Variants in CENPF observed in about 807,000 individuals in gnomAD.
CENPF encodes centromere protein F.
CENPF carries 214 observed loss-of-function variants against 307.3 expected under a neutral mutation model. That is an observed-to-expected ratio of 0.70 (90% confidence interval 0.62 to 0.78). CENPF has a LOEUF of 0.78. Ranked by LOEUF, CENPF falls within the 30% of genes least tolerant of loss-of-function variation. The probability of loss-of-function intolerance (pLI) is 0.00; values close to 1 mark genes in which losing one functional copy is unlikely to be tolerated. For missense variants in CENPF, 3,401 were observed against 3,483.9 expected (o/e 0.98, Z 0.60); for synonymous variants, 1,259 against 1,270.6 (o/e 0.99, Z 0.19).
intron 18 of CENPF, among the ~76,000 whole-genome samples, 176 bp from the exon 19 acceptor site, chr1:214,658,674 A>G (rs970545457): frequency 2.6e-5 from 4 of 152,062 alleles, no homozygotes; most frequent in Non-Finnish European, 5.9e-5. Context: ...AAGTTATTTG[A>G]TTCAATTTGG....
chr1:214,662,392 G>A (rs553573035), intron 19 of CENPF, among the ~76,000 whole-genome samples: 2 of 152,310 alleles, frequency 1.3e-5, no homozygotes, highest in East Asian at 3.9e-4. Flanking sequence ...GGAGAAGTGA[G>A]CTTTCCTGGG....
At chr1:214,622,609 A>G (rs1434711207) in intron 7 of CENPF, among the ~76,000 whole-genome samples, 1 of 152,228 alleles carries the variant, frequency 6.6e-6, no homozygotes, top group Admixed American at 6.5e-5. Flanking sequence ...TGGCACTTTA[A>G]AGGAGTTTTA....
chr1:214,642,423 A>G lies in CENPF; in HGVS notation c.4085A>G (p.Glu1362Gly), dbSNP rs958455451. The G allele has an allele frequency of 6.3e-7, 1 of 1,598,354 alleles. No homozygotes were observed. The highest frequency in any genetic ancestry group is 1.7e-5 in the Admixed American group (1 of 58,134). ...GGTCTTCTCCATGGTGAGTTAGTGG[A>G]AGACATACCAGGAGGTGAATTTGGT... ...DSGLLHGELV[E>G]DIPGGEFGEQ... Residue 1362 changes from glutamate to glycine, a missense_variant, in exon 12 of 20, where the codon GAA (glutamate) becomes GGA (glycine). By Grantham distance (98) the Glu-to-Gly change is moderately conservative. Transcript: ENST00000366955.
chr1:214,653,329 T>G (rs1249146919), intron 16 of CENPF, among the ~76,000 whole-genome samples: 1 of 152,128 alleles, frequency 6.6e-6, no homozygotes, highest in African/African-American at 2.4e-5. Context: ...TCCAAAATCT[T>G]GAATGAGCTG....
intron 7 of CENPF, among the ~76,000 whole-genome samples, chr1:214,623,494 AC>A (rs1436157794): frequency 6.6e-6 from 1 of 152,044 alleles, no homozygotes; most frequent in African/African-American, 2.4e-5. Flanking sequence ...TACACCCACC[AC>A]TGAATCTTCT....
intron 18 of CENPF, 68 bp downstream of exon 18, chr1:214,657,477 A>G: frequency 8.6e-7 from 1 of 1,168,326 alleles, no homozygotes; most frequent in Non-Finnish European, 1.2e-6. Flanking sequence ...TCACATATAA[A>G]AAGACAAAAG....
intron 1 of CENPF, chr1:214,605,506 A>G: frequency 1.8e-6 from 1 of 554,938 alleles, no homozygotes; most frequent in Non-Finnish European, 3.2e-6. Context: ...TCTTGCTTCC[A>G]AAAGGAAAGG....
intron 7 of CENPF, among the ~76,000 whole-genome samples, chr1:214,626,818 T>C (rs2102544527): frequency 6.6e-6 from 1 of 152,344 alleles, no homozygotes; most frequent in African/African-American, 2.4e-5. Flanking sequence ...TATCATGGCT[T>C]ATTTTCAAGT....
At position 214,646,922 on chromosome 1, in the gene CENPF, A is replaced by T. The variant is rs138083875; in HGVS notation, c.7352A>T (p.Asn2451Ile). The change falls in exon 13 of 20, where the codon AAT becomes ATT. Residue 2451 changes from asparagine (N) to isoleucine (I), a missense_variant. Asn to Ile is a moderately radical substitution (Grantham distance 149). Coordinates refer to ENST00000366955, the MANE Select transcript of CENPF (RefSeq NM_016343.4). The part of the protein sequence containing the change: ...EMLQTQLKEL[N>I]ERVAALHNDQ... ...CTTCAAACACAATTAAAAGAGCTCA[A>T]TGAGAGAGTGGCAGCCCTGCATAAT... 1 of 1,614,088 alleles carries T rather than the reference A, an allele frequency of 6.2e-7. No homozygotes were observed. The highest frequency in any genetic ancestry group is 8.5e-7 in the Non-Finnish European group (1 of 1,179,982).
At chr1:214,663,567 C>G (rs770990358) in intron 19 of CENPF, 24 bp from the exon 20 acceptor site, 28 of 1,611,562 alleles carry the variant, frequency 1.7e-5, no homozygotes, top group Non-Finnish European at 2.0e-5. Context: ...GATTGAACCT[C>G]TAACAGAGAT....
At chr1:214,615,382 A>G (rs1396064648) in intron 3 of CENPF, among the ~76,000 whole-genome samples, 1 of 152,206 alleles carries the variant, frequency 6.6e-6, no homozygotes, top group African/African-American at 2.4e-5. Context: ...AATTGATAGT[A>G]TGATAATACT....
chr1:214,648,619 G>A lies in CENPF; in HGVS notation c.7831-56G>A, dbSNP rs992781154. ...ATGAATATGTTGTATCAGAGTGGTC[G>A]ATCTGATCAAAACAGACCACCAAAA... is the stretch of plus-strand genomic sequence containing the variant. On this transcript the variant is annotated intron_variant, in intron 13 of 19. Transcript: ENST00000366955. 2.9e-5 allele frequency: 46 copies of A among 1,573,576 alleles called. 1 individual carries two copies. Among genetic ancestry groups the A allele is most frequent in the Middle Eastern group, 1.7e-4 (1 of 5,976 alleles).
rs371394971 is a variant in CENPF, at chr1:214,637,465, AT to A, written c.1447-386del. 5.1e-3 allele frequency among the ~76,000 whole-genome samples: 732 copies of A among 142,968 alleles called. 1 individual carries two copies. Among genetic ancestry groups the A allele is most frequent in the African/African-American group, 4.9e-3 (194 of 39,338 alleles). 93.8% of individuals were successfully genotyped at this position (142,968 alleles called of 152,430 possible). ...ATGAAAAGTAAACATATGTGCTGAG[AT>A]TTTTTTTTTTTTTTGGTTTATTAAC... is the stretch of plus-strand genomic sequence containing the variant. On this transcript the variant is annotated intron_variant, in intron 10 of 19. Coordinates refer to ENST00000366955, the MANE Select transcript of CENPF (RefSeq NM_016343.4).
Position 214,648,761 on chromosome 1 carries a change from C to T in CENPF, c.7917C>T (p.Leu2639=). The T allele has an allele frequency of 3.1e-6, 5 of 1,613,988 alleles. No individual in the cohort carries two copies. Among genetic ancestry groups the T allele is most frequent in the Non-Finnish European group, 4.2e-6 (5 of 1,179,926 alleles). Residue 2639 remains leucine (L), a synonymous_variant, in exon 14 of 20, where the codon CTC becomes CTT. Transcript: ENST00000366955. ...AAACAGCAGAGCTGCAAGAAGAACT[C>T]AGTGGAGAGAAAAATAGGCTAGCTG... ...AQKTAELQEE[L]SGEKNRLAGE...
intron 14 of CENPF, among the ~76,000 whole-genome samples, chr1:214,651,201 A>G (rs1658452063): frequency 6.6e-6 from 1 of 152,190 alleles, no homozygotes; most frequent in African/African-American, 2.4e-5. Context: ...AAATGCTTCC[A>G]GGGTTGGAGT....
At chr1:214,629,230 G>A (rs1657739928) in intron 8 of CENPF, 59 bp downstream of exon 8, 1 of 1,459,922 alleles carries the variant, frequency 6.8e-7, no homozygotes, top group Non-Finnish European at 9.1e-7. Context: ...GCTTTTCATA[G>A]TTTGATCACT....
rs747975726 is a variant in CENPF, at chr1:214,652,900, G to A, written c.8233G>A (p.Glu2745Lys). 2 of 1,608,568 alleles carry A rather than the reference G, an allele frequency of 1.2e-6. No homozygotes were observed. The highest frequency in any genetic ancestry group is 2.2e-5 in the East Asian group (1 of 44,792). The change falls in exon 16 of 20, where the codon GAG becomes AAG. Residue 2745 changes from glutamate to lysine, a missense_variant. Transcript: ENST00000366955. ...AGAATGTCTCAGTTCACAGAAGCTGGAGATAGACCTTTTAAAGTCTAGTAA... is the reference window on the plus strand; with the variant it reads ...AGAATGTCTCAGTTCACAGAAGCTGAAGATAGACCTTTTAAAGTCTAGTAA... ...KEECLSSQKLEIDLLKSSKEE... is the reference protein window; with the variant it reads ...KEECLSSQKLKIDLLKSSKEE...
At chr1:214,647,640 T>G (rs1658349928) in intron 13 of CENPF, among the ~76,000 whole-genome samples, 1 of 152,200 alleles carries the variant, frequency 6.6e-6, no homozygotes, top group Non-Finnish European at 1.5e-5. Context: ...AGGTTTTTAA[T>G]GTGGCACCTA....
intron 1 of CENPF, among the ~76,000 whole-genome samples, chr1:214,604,787 T>G (rs1197889219): frequency 6.6e-6 from 1 of 152,086 alleles, no homozygotes; most frequent in Non-Finnish European, 1.5e-5. Context: ...CTCCTTTCAG[T>G]AGTTTTGGGA....
Sources: allele counts gnomAD v4.1 joint callset (sites outside exome capture counted in the v4.1 genomes callset), GRCh38; gene constraint gnomAD v4.1.1; transcripts MANE v1.5; gene names NCBI Gene and HGNC (gene_info 2026-07-23, HGNC 2026-07-21).